GLRA1: variants seen among roughly 807,000 people sequenced by gnomAD.
The protein encoded by GLRA1 is glycine receptor subunit alpha-1.
Under a neutral mutation model 48.3 loss-of-function variants are expected in GLRA1, and 37 were observed. The observed-to-expected ratio is 0.77, with a 90% CI of 0.59 to 1.01. GLRA1 has a LOEUF of 1.01. Among genes scored for constraint, GLRA1 ranks in the 50% least tolerant of loss-of-function variants. The probability of loss-of-function intolerance (pLI) is 0.00; values close to 1 mark genes in which losing one functional copy is unlikely to be tolerated. For missense variants in GLRA1, 427 were observed against 571.0 expected (o/e 0.75, Z 2.57); for synonymous variants, 196 against 210.7 (o/e 0.93, Z 0.60).
intron 7 of GLRA1, among the ~76,000 whole-genome samples, chr5:151,835,164 GAA>G (rs1763540901): frequency 6.6e-6 from 1 of 151,074 alleles, no homozygotes; most frequent in South Asian, 2.1e-4. Context: ...AAATAAACTA[GAA>G]AATCTAGGAG....
intron 7 of GLRA1, among the ~76,000 whole-genome samples, chr5:151,831,601 T>G (rs553994402): frequency 6.6e-6 from 1 of 152,312 alleles, no homozygotes; most frequent in South Asian, 2.1e-4. Context: ...TGTCTCTAGA[T>G]TCCTCCTCTC....
In GLRA1 at chr5:151,909,509, A is replaced by C. The variant is rs532800959; in HGVS notation, c.56+14985T>G. On this transcript the variant is annotated intron_variant, in intron 1 of 8. Transcript: ENST00000274576. ...GGTAGTGTTTAAGATGTGATGACAG[A>C]GTGCTGTATTCTCCAAACCAAAATC... Among the ~76,000 whole-genome samples, 6 of 152,338 alleles carry C rather than the reference A, an allele frequency of 3.9e-5. No homozygotes were observed. The South Asian group carries it at 1.2e-3, about 32-fold the overall frequency.
intron 1 of GLRA1, among the ~76,000 whole-genome samples, chr5:151,914,369 A>T (rs1447742610): frequency 6.6e-6 from 1 of 152,148 alleles, no homozygotes; most frequent in East Asian, 1.9e-4. Context: ...AGAGATGTTA[A>T]GAGAAACCTG....
At chr5:151,884,453 A>AAAACAAAACAAAACAAAAC (rs1246833460) in intron 3 of GLRA1, among the ~76,000 whole-genome samples, 41 of 39,336 alleles carry the variant, frequency 1.0e-3, no homozygotes, top group East Asian at 5.9e-3. Context: ...CAAAACAAAA[A>AAAACAAAACAAAACAAAAC]AACCCATTTT....
intron 1 of GLRA1, among the ~76,000 whole-genome samples, chr5:151,901,266 A>G (rs966523334): frequency 1.3e-5 from 2 of 152,278 alleles, no homozygotes; most frequent in African/African-American, 2.4e-5. Context: ...AACTGTGTGT[A>G]TATGTCTCAC....
chr5:151,859,728 G>T, intron 4 of GLRA1, 57 bp downstream of exon 4: 1 of 1,258,314 alleles, frequency 7.9e-7, no homozygotes, highest in Admixed American at 1.7e-5. Context: ...ATGCCCAGAA[G>T]GTAGTGGGGC....
chr5:151,911,377 C>T (rs997185392), intron 1 of GLRA1, among the ~76,000 whole-genome samples: 30 of 152,102 alleles, frequency 2.0e-4, no homozygotes, highest in African/African-American at 6.5e-4. Context: ...AGTGGTTTTC[C>T]TGCTTTTTAC....
chr5:151,881,775 C>T (rs1309939644), intron 3 of GLRA1, among the ~76,000 whole-genome samples: 3 of 152,174 alleles, frequency 2.0e-5, no homozygotes, highest in African/African-American at 4.8e-5. Flanking sequence ...TGTTGCTTTG[C>T]TGGCTGCCTC....
chr5:151,864,247 C>T (rs1366818907), intron 3 of GLRA1, among the ~76,000 whole-genome samples: 1 of 152,138 alleles, frequency 6.6e-6, no homozygotes, highest in Non-Finnish European at 1.5e-5. Context: ...GCCCCAGCTG[C>T]ACTTTTGATG....
At chr5:151,876,149 A>C (rs971510047) in intron 3 of GLRA1, among the ~76,000 whole-genome samples, 1 of 152,190 alleles carries the variant, frequency 6.6e-6, no homozygotes, top group African/African-American at 2.4e-5. Context: ...CATGCCCCTG[A>C]AATTACATTC....
chr5:151,850,256 T>C, intron 7 of GLRA1: 1 of 1,604,858 alleles, frequency 6.2e-7, no homozygotes. Flanking sequence ...TGGGTACTAA[T>C]GCTGAGGTCA....
chr5:151,861,549 C>G (rs1753204662), intron 3 of GLRA1, among the ~76,000 whole-genome samples: 1 of 152,120 alleles, frequency 6.6e-6, no homozygotes, highest in South Asian at 2.1e-4. Flanking sequence ...CTGTTCATAT[C>G]CTTCACCCAC....
intron 1 of GLRA1, among the ~76,000 whole-genome samples, chr5:151,912,624 AG>A (rs1188188936): frequency 6.6e-6 from 1 of 152,180 alleles, no homozygotes; most frequent in East Asian, 1.9e-4. Flanking sequence ...GCAGTGCTTT[AG>A]GGTTGGTTGT....
chr5:151,924,052 G>A (rs1305812713), intron 1 of GLRA1, among the ~76,000 whole-genome samples: 2 of 152,174 alleles, frequency 1.3e-5, no homozygotes, highest in Non-Finnish European at 2.9e-5. Flanking sequence ...ACCGCTAGTT[G>A]TCACTTGGCT....
intron 1 of GLRA1, among the ~76,000 whole-genome samples, chr5:151,912,397 C>T (rs530547383): frequency 8.6e-5 from 13 of 151,674 alleles, no homozygotes; most frequent in African/African-American, 2.4e-4. Context: ...AGGGGCTTCT[C>T]TGCAGGACTT....
At chr5:151,866,683 A>C (rs1297137597) in intron 3 of GLRA1, among the ~76,000 whole-genome samples, 1 of 152,150 alleles carries the variant, frequency 6.6e-6, no homozygotes, top group Non-Finnish European at 1.5e-5. Flanking sequence ...GCTGATTGGG[A>C]GTACAGTTGA....
At chr5:151,867,367 T>C (rs58053505) in intron 3 of GLRA1, among the ~76,000 whole-genome samples, 156 of 152,206 alleles carry the variant, frequency 1.0e-3, no homozygotes, top group African/African-American at 3.7e-3. Context: ...TCTCACATCT[T>C]TGAGATAAGG....
intron 7 of GLRA1, among the ~76,000 whole-genome samples, chr5:151,851,107 G>T (rs1197851578): frequency 6.6e-6 from 1 of 152,124 alleles, no homozygotes; most frequent in East Asian, 1.9e-4. Flanking sequence ...ATGTGAAGTT[G>T]AGTGTTAATA....
At chr5:151,849,505 C>CT (rs1263931439) in intron 7 of GLRA1, among the ~76,000 whole-genome samples, 4 of 103,884 alleles carry the variant, frequency 3.9e-5, no homozygotes, top group African/African-American at 1.3e-4. Flanking sequence ...TCTTTTCTTT[C>CT]TTTCTTTCTT....
Sources: gnomAD v4.1 joint callset for allele counts (sites outside exome capture counted in the v4.1 genomes callset) on GRCh38, gnomAD v4.1.1 for gene constraint, MANE v1.5 for transcripts, NCBI Gene and HGNC (gene_info 2026-07-23, HGNC 2026-07-21) for gene names.